Variants in PANK1 observed in about 807,000 individuals in gnomAD.
PANK1 encodes pantothenate kinase 1.
In PANK1, 18 loss-of-function variants were observed where a neutral mutation model predicts 40.1. That is an observed-to-expected ratio of 0.45 (90% confidence interval 0.31 to 0.67). The LOEUF is 0.67. Ranked by LOEUF, PANK1 falls within the 30% of genes least tolerant of loss-of-function variation. The pLI, the probability that PANK1 is intolerant of heterozygous loss-of-function variation, is 0.06. For missense variants in PANK1, 457 were observed against 599.6 expected, an observed-to-expected ratio of 0.76 and a Z score of 2.48; for synonymous variants, 242 against 237.7, an observed-to-expected ratio of 1.02 and a Z score of -0.17.
chr10:89,593,747 G>T, intron 4 of PANK1, 66 bp downstream of exon 4: 1 of 1,219,032 alleles, frequency 8.2e-7, no homozygotes, highest in Non-Finnish European at 1.2e-6. Context: ...ACAACTTAGT[G>T]AATGGCCAGG....
chr10:89,604,203 A>T (rs1481588110), intron 2 of PANK1, among the ~76,000 whole-genome samples: 3 of 152,092 alleles, frequency 2.0e-5, no homozygotes, highest in Non-Finnish European at 4.4e-5. Flanking sequence ...AGGGTAGGTA[A>T]TTTTTTTACT....
chr10:89,606,193 G>A (rs146759037), intron 2 of PANK1, among the ~76,000 whole-genome samples: 12 of 152,280 alleles, frequency 7.9e-5, no homozygotes, highest in Admixed American at 5.2e-4. Context: ...GTCCATGAGC[G>A]TCGGCTTCAA....
intron 2 of PANK1, among the ~76,000 whole-genome samples, chr10:89,608,811 C>G (rs1373299069): frequency 1.3e-5 from 2 of 152,172 alleles, no homozygotes; most frequent in Non-Finnish European, 2.9e-5. Flanking sequence ...ATATATTGAT[C>G]CTTTACAATT....
rs567259638 is a variant in PANK1 at position 89,638,336 on chromosome 10, G to A, written c.292+6264C>T. On this transcript the variant is annotated intron_variant, in intron 1 of 6. Coordinates refer to ENST00000307534, the MANE Select transcript of PANK1 (RefSeq NM_148977.3). ...TGGCACCCTGTGCCTGTGATGGGAG[G>A]GACAGCACCAGTAATTTCCAAAATG... Among the ~76,000 whole-genome samples the A allele has an allele frequency of 3.9e-4, 60 of 152,280 alleles. 2 individuals carry two copies. In the South Asian group the frequency reaches 0.012, roughly 30 times the overall value.
At chr10:89,582,987 A>T (rs969375062), downstream of PANK1, 9 of 152,226 alleles carry the variant, frequency 5.9e-5, no homozygotes, top group African/African-American at 2.2e-4. Flanking sequence ...CACTAAAAAC[A>T]TCACAACAGA....
chr10:89,617,826 T>C (rs1334763509), intron 1 of PANK1, among the ~76,000 whole-genome samples: 1 of 152,110 alleles, frequency 6.6e-6, no homozygotes, highest in Non-Finnish European at 1.5e-5. Context: ...GGAAATAAAT[T>C]GGAATAAAAT....
intron 1 of PANK1, among the ~76,000 whole-genome samples, chr10:89,632,115 A>G (rs1841671403): frequency 6.6e-6 from 1 of 152,210 alleles, no homozygotes; most frequent in Non-Finnish European, 1.5e-5. Flanking sequence ...AGTGATAAGT[A>G]CTTGGCAGTT....
At chr10:89,608,322 C>T (rs539286834) in intron 2 of PANK1, among the ~76,000 whole-genome samples, 2 of 151,660 alleles carry the variant, frequency 1.3e-5, no homozygotes, top group African/African-American at 2.4e-5. Context: ...TGAGCCACCG[C>T]GTCTGGCCAA....
In PANK1 at chr10:89,584,429, A is replaced by G; in HGVS notation, c.1363T>C (p.Phe455Leu). 1 of 1,608,296 alleles carries G rather than the reference A, an allele frequency of 6.2e-7. No homozygotes were observed. Among genetic ancestry groups the G allele is most frequent in the East Asian group, 2.2e-5 (1 of 44,850 alleles). The change falls in exon 7 of 7, where the codon TTC becomes CTC. Residue 455 changes from phenylalanine to leucine, a missense_variant. By Grantham distance (22) the Phe-to-Leu change is conservative (BLOSUM62 0). Around this residue, in one of 4 missense-constraint regions of PANK1, gnomAD observed 22 missense variants for 24.6 expected, o/e 0.89. Coordinates refer to ENST00000307534, the MANE Select transcript of PANK1 (RefSeq NM_148977.3). ...FGAVGALLEL[F>L]KMTDDK ...CTCTACTTGTCATCAGTCATTTTGA[A>G]CAGTTCCAACAGTGCCCCAACGGCT... is the stretch of plus-strand genomic sequence containing the variant.
rs542849685 is a variant in PANK1, at chr10:89,628,924, CT to C, written c.292+15675del. 2.0e-4 allele frequency among the ~76,000 whole-genome samples: 31 copies of C among 152,278 alleles called. No homozygotes were observed. The East Asian group carries it at 5.8e-3, about 28-fold the overall frequency. ...CTTCCCAGGCTGCTATGGTTTGAAT[CT>C]TCTTTTGTCTCTATTATAGTTTTCT... On this transcript the variant is annotated intron_variant, in intron 1 of 6. Coordinates refer to ENST00000307534, the MANE Select transcript of PANK1 (RefSeq NM_148977.3).
intron 1 of PANK1, among the ~76,000 whole-genome samples, chr10:89,630,618 G>A (rs563779559): frequency 2.6e-5 from 4 of 151,490 alleles, no homozygotes; most frequent in Admixed American, 6.6e-5. Context: ...TCAGCCTCCC[G>A]AGTAGCTGAG....
At chr10:89,595,855 T>A (rs1392001030) in intron 3 of PANK1, among the ~76,000 whole-genome samples, 6 of 114,302 alleles carry the variant, frequency 5.2e-5, no homozygotes, top group African/African-American at 7.5e-5. Flanking sequence ...TATATATATA[T>A]ATATATATAT....
chr10:89,631,584 A>G lies in PANK1; in HGVS notation c.292+13016T>C, dbSNP rs538652164. 1.3e-3 allele frequency among the ~76,000 whole-genome samples: 196 copies of G among 152,334 alleles called. 2 individuals carry two copies. The highest frequency in any genetic ancestry group is 1.2e-3 in the Non-Finnish European group (81 of 68,034). On this transcript the variant is annotated intron_variant, in intron 1 of 6. Transcript: ENST00000307534. ...AAAGGAGAGGGGTGGAATTCTTTTA[A>G]TACTGTTCTTTAGTTCTTAATCTAT... is the stretch of plus-strand genomic sequence containing the variant.
intron 1 of PANK1, among the ~76,000 whole-genome samples, chr10:89,631,919 A>G (rs1673114349): frequency 6.6e-6 from 1 of 151,730 alleles, no homozygotes; most frequent in South Asian, 2.1e-4. Context: ...TCTCAACTGG[A>G]TATAATACAC....
In PANK1 at chr10:89,593,183, G is replaced by T; in HGVS notation, c.1200+14C>A. ...AATGACACACAGCTTTCACCGGGTT[G>T]AGTAAGGCCTTACCTCATTCAACGC... On this transcript the variant is annotated intron_variant, in intron 5 of 6. Coordinates refer to ENST00000307534, the MANE Select transcript of PANK1 (RefSeq NM_148977.3). 1 of 1,612,798 alleles carries T rather than the reference G, an allele frequency of 6.2e-7. No homozygotes were observed. Among genetic ancestry groups the T allele is most frequent in the Non-Finnish European group, 8.5e-7 (1 of 1,179,084 alleles).
chr10:89,644,111 G>A (rs112691647), intron 1 of PANK1, among the ~76,000 whole-genome samples: 253 of 152,214 alleles, frequency 1.7e-3, no homozygotes, highest in African/African-American at 6.0e-3. Flanking sequence ...CCAGACTTGC[G>A]CTCTCCAATA....
chr10:89,629,144 A>G (rs1039811972), intron 1 of PANK1, among the ~76,000 whole-genome samples: 19 of 152,240 alleles, frequency 1.2e-4, no homozygotes, highest in African/African-American at 4.6e-4. Context: ...TCTGAGGGAG[A>G]TCACAGGAAG....
At chr10:89,616,697 C>T (rs574078963) in intron 1 of PANK1, among the ~76,000 whole-genome samples, 6 of 152,106 alleles carry the variant, frequency 3.9e-5, no homozygotes, top group South Asian at 2.1e-4. Context: ...CCCAGGCAGG[C>T]GGATTTTGAT....
At chr10:89,630,828 TA>T (rs144525379) in intron 1 of PANK1, among the ~76,000 whole-genome samples, 22 of 151,716 alleles carry the variant, frequency 1.5e-4, no homozygotes, top group South Asian at 6.2e-4. Context: ...TTTAAATAGT[TA>T]AAAAAAAATT....
Sources: gnomAD v4.1 joint callset for allele counts (sites outside exome capture counted in the v4.1 genomes callset) on GRCh38, gnomAD v4.1.1 for gene constraint, gnomAD v4.1.1 regional missense constraint, MANE v1.5 for transcripts, NCBI Gene and HGNC (gene_info 2026-07-23, HGNC 2026-07-21) for gene names.